IPCEF1: variants seen among roughly 807,000 people sequenced by gnomAD.
IPCEF1 encodes the protein interactor protein for cytohesin exchange factors 1.
In IPCEF1, 31 loss-of-function variants were observed where a neutral mutation model predicts 50.9. The observed-to-expected ratio is 0.61, with a 90% CI of 0.46 to 0.82. The LOEUF is 0.82. IPCEF1 is among the 40% of genes least tolerant of loss of function. The pLI, the probability that IPCEF1 is intolerant of heterozygous loss-of-function variation, is 0.00. For synonymous variants in IPCEF1, 181 were observed against 192.0 expected (o/e 0.94, Z 0.47); for missense variants, 458 against 514.0 (o/e 0.89, Z 1.05).
intron 3 of IPCEF1, among the ~76,000 whole-genome samples, chr6:154,256,890 G>A (rs1781475220): frequency 6.6e-6 from 1 of 152,016 alleles, no homozygotes; most frequent in Non-Finnish European, 1.5e-5. Context: ...CCTTCACATG[G>A]GATTTTCAAC....
At chr6:154,210,000 C>A (rs1206643483) in intron 9 of IPCEF1, among the ~76,000 whole-genome samples, 1 of 152,170 alleles carries the variant, frequency 6.6e-6, no homozygotes, top group Non-Finnish European at 1.5e-5. Context: ...AACTTACTGG[C>A]TTCATGAGTA....
chr6:154,347,715 C>A (rs556326090), intron 1 of IPCEF1, among the ~76,000 whole-genome samples: 4 of 152,292 alleles, frequency 2.6e-5, no homozygotes, highest in Non-Finnish European at 5.9e-5. Flanking sequence ...CTCAGTGGCT[C>A]CTACTGCCCA....
chr6:154,180,414 A>ATATAT (rs1241250621), intron 10 of IPCEF1, among the ~76,000 whole-genome samples: 275 of 65,172 alleles, frequency 4.2e-3, no homozygotes, highest in African/African-American at 0.012. Context: ...ATATATATAT[A>ATATAT]TTTTTTTTTT....
chr6:154,288,088 T>C (rs1782407517), intron 2 of IPCEF1, among the ~76,000 whole-genome samples: 1 of 152,076 alleles, frequency 6.6e-6, no homozygotes, highest in Non-Finnish European at 1.5e-5. Context: ...TGTCCATGAG[T>C]TGGACAACCA....
chr6:154,288,676 CAAAAAAAAAA>C (rs558703057), intron 2 of IPCEF1, among the ~76,000 whole-genome samples: 4 of 46,936 alleles, frequency 8.5e-5, no homozygotes, highest in South Asian at 6.3e-4. Flanking sequence ...ACAAAAAAAA[CAAAAAAAAAA>C]AAAAAAAAAA....
intron 5 of IPCEF1, among the ~76,000 whole-genome samples, chr6:154,244,301 G>GGTGTGTGTGTGTGGGTGGGTGT (rs1780850076): frequency 6.8e-6 from 1 of 147,960 alleles, no homozygotes; most frequent in African/African-American, 2.5e-5. Context: ...TGTGTGGGTG[G>GGTGTGTGTGTGTGGGTGGGTGT]GTGTGTGTGT....
chr6:154,341,760 A>C (rs1783923131), intron 1 of IPCEF1, among the ~76,000 whole-genome samples: 1 of 152,228 alleles, frequency 6.6e-6, no homozygotes, highest in African/African-American at 2.4e-5. Context: ...TAAAGTTGGA[A>C]TGAACCTTTA....
At chr6:154,280,482 C>T (rs909096006) in intron 2 of IPCEF1, among the ~76,000 whole-genome samples, 8 of 152,112 alleles carry the variant, frequency 5.3e-5, no homozygotes, top group Admixed American at 2.0e-4. Flanking sequence ...GTGGTACAGT[C>T]ATTACAATGA....
rs1268016094 is a variant in IPCEF1, at chr6:154,158,327, G to A, written c.*1501C>T. ...TATTCCTATGGTGAGAAATATTCAT[G>A]GTGATTAGTAAGGGAAGACTTTCAT... On this transcript the variant is annotated 3_prime_UTR_variant, in exon 12 of 12. Coordinates refer to ENST00000367220, the MANE Select transcript of IPCEF1 (RefSeq NM_001130700.2). 6.6e-6 allele frequency: 1 copy of A among 152,136 alleles called. No homozygotes were observed. Among genetic ancestry groups the A allele is most frequent in the Non-Finnish European group, 1.5e-5 (1 of 68,036 alleles). The allele number at this position is 152,136 out of a possible 1,614,324, so 9.4% of individuals were successfully genotyped here.
chr6:154,331,197 G>A (rs1308786783), intron 1 of IPCEF1, among the ~76,000 whole-genome samples: 2 of 151,978 alleles, frequency 1.3e-5, no homozygotes, highest in African/African-American at 2.4e-5. Flanking sequence ...AACCCGGGAA[G>A]TGGAGGCTGC....
intron 5 of IPCEF1, among the ~76,000 whole-genome samples, chr6:154,224,503 T>G (rs1419329157): frequency 6.6e-6 from 1 of 150,734 alleles, no homozygotes; most frequent in Admixed American, 6.6e-5. Context: ...CGGTGAGGTG[T>G]TCACGTTCAG....
At chr6:154,166,379 T>A (rs1047392158) in intron 11 of IPCEF1, among the ~76,000 whole-genome samples, 2 of 152,222 alleles carry the variant, frequency 1.3e-5, no homozygotes, top group African/African-American at 4.8e-5. Context: ...TTTCTCCTTC[T>A]ACTAATGACT....
chr6:154,187,263 C>A (rs1031319447), intron 10 of IPCEF1, among the ~76,000 whole-genome samples: 2 of 152,162 alleles, frequency 1.3e-5, no homozygotes, highest in Non-Finnish European at 2.9e-5. Context: ...TCTGTCCAGT[C>A]TCTCTCTAAC....
intron 10 of IPCEF1, among the ~76,000 whole-genome samples, chr6:154,183,293 A>C (rs983001267): frequency 2.6e-5 from 4 of 152,250 alleles, no homozygotes; most frequent in African/African-American, 9.6e-5. Flanking sequence ...TTATCTTTTC[A>C]AGATGGCGCT....
At position 154,299,195 on chromosome 6, in the gene IPCEF1, C is replaced by T. The variant is rs1291610091; in HGVS notation, c.-61-9439G>A. Among the ~76,000 whole-genome samples, 4 of 140,808 alleles carry T rather than the reference C, an allele frequency of 2.8e-5. 1 individual carries two copies. The highest frequency in any genetic ancestry group is 1.5e-4 in the Admixed American group (2 of 13,612). The allele number at this position is 140,808 out of a possible 152,430, so 92.4% of individuals were successfully genotyped here. On this transcript the variant is annotated intron_variant, in intron 1 of 11. Transcript: ENST00000367220. ...GTCCTCCCATGAGTGCTTTATTAAG[C>T]TGGGATAAAGCTACTCCATGCCCAA...
chr6:154,229,353 T>G (rs1326931808), intron 5 of IPCEF1, among the ~76,000 whole-genome samples: 1 of 147,392 alleles, frequency 6.8e-6, no homozygotes, highest in Non-Finnish European at 1.5e-5. Context: ...CCGGTTTTTT[T>G]TTTTTTTTTT....
intron 2 of IPCEF1, among the ~76,000 whole-genome samples, chr6:154,284,892 C>T (rs11960984): frequency 0.084 from 12,751 of 151,872 alleles, 942 homozygotes; most frequent in African/African-American, 0.2. Flanking sequence ...CCCAGCTACT[C>T]GGGAGACTGA....
chr6:154,333,635 T>C lies in IPCEF1; in HGVS notation c.-62+23037A>G, dbSNP rs1783723268. Among the ~76,000 whole-genome samples, 4 of 151,590 alleles carry C rather than the reference T, an allele frequency of 2.6e-5. No homozygotes were observed. The South Asian group carries it at 8.3e-4, about 32-fold the overall frequency. ...GTATACATATATACGTACATATGTA[T>C]ACAAGTATACATGTATACATATATG... On this transcript the variant is annotated intron_variant, in intron 1 of 11. Transcript: ENST00000367220.
At chr6:154,186,433 T>C (rs980542320) in intron 10 of IPCEF1, among the ~76,000 whole-genome samples, 2 of 152,232 alleles carry the variant, frequency 1.3e-5, no homozygotes, top group African/African-American at 4.8e-5. Flanking sequence ...ACCTAGTGTT[T>C]TGTTGCTAGC....
Sources: allele counts gnomAD v4.1 joint callset (sites outside exome capture counted in the v4.1 genomes callset), GRCh38; gene constraint gnomAD v4.1.1; transcripts MANE v1.5; gene names NCBI Gene and HGNC (gene_info 2026-07-23, HGNC 2026-07-21).